The following NOX3 variants were observed in gnomAD, a reference collection of about 807,000 sequenced individuals.
NOX3 encodes the protein NADPH oxidase catalytic subunit-like 3.
Under a neutral mutation model 76.7 loss-of-function variants are expected in NOX3, and 74 were observed. The observed-to-expected ratio is 0.96, with a 90% CI of 0.80 to 1.17. NOX3 has a LOEUF of 1.17. NOX3 is among the 50% of genes most tolerant of loss of function. The pLI is 0.00. For synonymous variants in NOX3, 263 were observed against 261.1 expected, an observed-to-expected ratio of 1.01 and a Z score of -0.07; for missense variants, 695 against 703.3, an observed-to-expected ratio of 0.99 and a Z score of 0.13.
intron 9 of NOX3, among the ~76,000 whole-genome samples, chr6:155,425,266 T>C (rs1776742207): frequency 6.6e-6 from 1 of 152,238 alleles, no homozygotes; most frequent in Non-Finnish European, 1.5e-5. Context: ...TGTTCTTTTT[T>C]GGGCCCAAAT....
chr6:155,395,629 A>C (rs1779128710), intron 13 of NOX3, 55 bp from the exon 14 acceptor site: 1 of 152,230 alleles, frequency 6.6e-6, no homozygotes, highest in African/African-American at 2.4e-5. Context: ...TACAAGCTAC[A>C]TACCAGTAGT....
chr6:155,443,482 A>G, intron 4 of NOX3, 64 bp from the exon 5 acceptor site: 1 of 1,556,688 alleles, frequency 6.4e-7, no homozygotes, highest in Non-Finnish European at 8.7e-7. Context: ...GTTACTAAAA[A>G]ATACAGTGTC....
At chr6:155,415,926 C>T (rs968401265) in intron 10 of NOX3, among the ~76,000 whole-genome samples, 5 of 152,316 alleles carry the variant, frequency 3.3e-5, no homozygotes, top group South Asian at 2.1e-4. Flanking sequence ...GAGGGACATG[C>T]GCCTTGCTTG....
chr6:155,419,220 G>T (rs1350624715), intron 10 of NOX3, among the ~76,000 whole-genome samples: 1 of 152,188 alleles, frequency 6.6e-6, no homozygotes, highest in Admixed American at 6.5e-5. Flanking sequence ...TGCTTTAAAA[G>T]AGAGAAACTT....
intron 7 of NOX3, among the ~76,000 whole-genome samples, chr6:155,432,336 T>G (rs1426703237): frequency 1.4e-5 from 2 of 147,062 alleles, no homozygotes; most frequent in African/African-American, 5.0e-5. Flanking sequence ...AACTCAAGCC[T>G]TTTCATATGT....
chr6:155,428,677 C>G (rs532086857), intron 9 of NOX3, 117 bp downstream of exon 9: 1 of 930,452 alleles, frequency 1.1e-6, no homozygotes, highest in East Asian at 3.2e-5. Flanking sequence ...AATTTAGACA[C>G]AGTCTCAAAC....
chr6:155,443,421 A>G lies in NOX3; in HGVS notation c.341-3T>C. 1 of 1,613,686 alleles carries G rather than the reference A, an allele frequency of 6.2e-7. No individual in the cohort carries two copies. Among genetic ancestry groups the G allele is most frequent in the Non-Finnish European group, 8.5e-7 (1 of 1,179,756 alleles). ...GAAATGCGCCACGATGTGGATGGCTAGGACAAGGAGATGACACCAAACATG... is the reference window on the plus strand; with the variant it reads ...GAAATGCGCCACGATGTGGATGGCTGGGACAAGGAGATGACACCAAACATG... On this transcript the variant is annotated splice_polypyrimidine_tract_variant and splice_region_variant and intron_variant, in intron 4 of 13. Transcript: ENST00000159060.
intron 11 of NOX3, among the ~76,000 whole-genome samples, chr6:155,410,537 T>C (rs1776528859): frequency 6.6e-6 from 1 of 152,216 alleles, no homozygotes; most frequent in Admixed American, 6.5e-5. Context: ...GTAGTTATCA[T>C]TCAATAGTAT....
At chr6:155,415,261 A>C (rs1025849763) in intron 10 of NOX3, among the ~76,000 whole-genome samples, 1 of 152,082 alleles carries the variant, frequency 6.6e-6, no homozygotes, top group Non-Finnish European at 1.5e-5. Context: ...AATTTTGATA[A>C]ACAGTTTCAG....
At chr6:155,421,584 G>C (rs1776690170) in intron 10 of NOX3, among the ~76,000 whole-genome samples, 1 of 152,188 alleles carries the variant, frequency 6.6e-6, no homozygotes, top group African/African-American at 2.4e-5. Flanking sequence ...TTTTTTTAGA[G>C]ACAGAGTCTC....
chr6:155,412,653 C>A (rs371468584), intron 10 of NOX3, among the ~76,000 whole-genome samples: 1 of 152,162 alleles, frequency 6.6e-6, no homozygotes, highest in East Asian at 1.9e-4. Flanking sequence ...ACACTTATTT[C>A]TTCCTAGGGA....
In NOX3 at chr6:155,417,002, C is replaced by T. The variant is rs148687583; in HGVS notation, c.1309-5642G>A. Among the ~76,000 whole-genome samples, 52 of 152,038 alleles carry T rather than the reference C, an allele frequency of 3.4e-4. No homozygotes were observed. In the East Asian group the frequency reaches 7.7e-3, roughly 23 times the overall value. On this transcript the variant is annotated intron_variant, in intron 10 of 13. Coordinates refer to ENST00000159060, the MANE Select transcript of NOX3 (RefSeq NM_015718.3). ...CTGGCCTCAGGTGTTCCGCCCACCT[C>T]GACCTCCCAAAATGCTGGGATTGCA...
At position 155,411,197 on chromosome 6, in the gene NOX3, C is replaced by T; in HGVS notation, c.1455+17G>A. 1.2e-6 allele frequency: 2 copies of T among 1,609,678 alleles called. No homozygotes were observed. Among genetic ancestry groups the T allele is most frequent in the East Asian group, 2.2e-5 (1 of 44,794 alleles). On this transcript the variant is annotated intron_variant, in intron 11 of 13. Transcript: ENST00000159060. ...TGAGTTCAGCAATATTGCTTATTCT[C>T]AGAGTCTTATCAGTACCTGATTTTC...
chr6:155,442,070 C>T (rs964601140), intron 5 of NOX3, among the ~76,000 whole-genome samples: 9 of 152,276 alleles, frequency 5.9e-5, no homozygotes, highest in Non-Finnish European at 7.4e-5. Context: ...CAAGACCATC[C>T]TGGCTAACAC....
intron 10 of NOX3, among the ~76,000 whole-genome samples, chr6:155,420,955 T>C (rs964347008): frequency 1.3e-4 from 20 of 152,216 alleles, no homozygotes; most frequent in African/African-American, 4.8e-4. Flanking sequence ...AAACTCCCTG[T>C]TGGATATGGA....
At chr6:155,406,264 T>C (rs1776455518) in intron 12 of NOX3, among the ~76,000 whole-genome samples, 1 of 152,180 alleles carries the variant, frequency 6.6e-6, no homozygotes, top group Non-Finnish European at 1.5e-5. Context: ...ATTTACGTTA[T>C]GAAAACAACA....
At chr6:155,411,911 T>C (rs949587537) in intron 10 of NOX3, among the ~76,000 whole-genome samples, 2 of 152,186 alleles carry the variant, frequency 1.3e-5, no homozygotes, top group African/African-American at 2.4e-5. Flanking sequence ...CCAAGAAAGC[T>C]GGTGGGTGGC....
intron 7 of NOX3, 64 bp from the exon 8 acceptor site, chr6:155,430,999 T>C (rs1776825749): frequency 9.4e-7 from 1 of 1,062,124 alleles, no homozygotes; most frequent in Non-Finnish European, 1.4e-6. Flanking sequence ...TATTTTCAAT[T>C]TGAACCAAAT....
At chr6:155,421,615 G>A (rs1468410532) in intron 10 of NOX3, among the ~76,000 whole-genome samples, 1 of 152,174 alleles carries the variant, frequency 6.6e-6, no homozygotes, top group Admixed American at 6.5e-5. Context: ...CCAGGCTGGA[G>A]TGCAGTGGTG....
Sources: gnomAD v4.1 joint callset for allele counts (sites outside exome capture counted in the v4.1 genomes callset) on GRCh38, gnomAD v4.1.1 for gene constraint, MANE v1.5 for transcripts, NCBI Gene and HGNC (gene_info 2026-07-23, HGNC 2026-07-21) for gene names.